Variants in TMPRSS6 observed in about 807,000 individuals in gnomAD.
TMPRSS6 encodes transmembrane serine protease 6, also known as transmembrane protease serine 6.
In TMPRSS6, 67 loss-of-function variants were observed where a neutral mutation model predicts 101.5. The observed-to-expected ratio is 0.66, with a 90% CI of 0.54 to 0.81. The LOEUF (loss-of-function observed/expected upper bound fraction) is 0.81, where lower values mean the gene tolerates loss of function less well. Among genes scored for constraint, TMPRSS6 ranks in the 30% least tolerant of loss-of-function variants. TMPRSS6 has a pLI of 0.00. For missense variants in TMPRSS6, 1,034 were observed against 1,088.7 expected (o/e 0.95, Z 0.71); for synonymous variants, 453 against 464.9 (o/e 0.97, Z 0.33).
intron 1 of TMPRSS6, among the ~76,000 whole-genome samples, chr22:37,104,863 A>G (rs887429090): frequency 2.6e-5 from 4 of 151,998 alleles, no homozygotes; most frequent in Non-Finnish European, 5.9e-5. Context: ...CGGGAGGCTG[A>G]GGCAGGAGAA....
intron 7 of TMPRSS6, 30 bp downstream of exon 7, chr22:37,089,548 T>TACCAA: frequency 1.1e-6 from 1 of 875,026 alleles, no homozygotes; most frequent in Non-Finnish European, 1.7e-6. Flanking sequence ...TTTCCAGCCC[T>TACCAA]CCCTCCTGCC....
chr22:37,068,806 A>C, intron 16 of TMPRSS6: 1 of 710,902 alleles, frequency 1.4e-6, no homozygotes, highest in Non-Finnish European at 2.5e-6. Context: ...GCACGTGGGC[A>C]GTGGCGTCCC....
intron 1 of TMPRSS6, among the ~76,000 whole-genome samples, chr22:37,108,209 C>T (rs1023844912): frequency 6.6e-6 from 1 of 152,166 alleles, no homozygotes; most frequent in African/African-American, 2.4e-5. Flanking sequence ...ACCTTGAGCC[C>T]TGTCAGTGCT....
rs369782006 is a variant in TMPRSS6, at chr22:37,092,950, G to A, written c.631+2601C>T. The stretch of plus-strand genomic sequence containing the variant: ...ACAATTCCCTCTCTCCACTGCCTCT[G>A]GGGCCTCTATTCTCACACTGGCACC... On this transcript the variant is annotated intron_variant, in intron 6 of 17. Transcript: ENST00000676104. 6.9e-4 allele frequency among the ~76,000 whole-genome samples: 105 copies of A among 152,304 alleles called. 3 individuals are homozygous for A. In the South Asian group the frequency reaches 0.022, roughly 32 times the overall value.
intron 3 of TMPRSS6, among the ~76,000 whole-genome samples, chr22:37,097,258 G>C (rs1349093145): frequency 6.6e-6 from 1 of 152,236 alleles, no homozygotes; most frequent in Non-Finnish European, 1.5e-5. Flanking sequence ...CCTCAGGCTG[G>C]GTCCCTCAGA....
intron 10 of TMPRSS6, among the ~76,000 whole-genome samples, chr22:37,082,112 C>T (rs1928317377): frequency 6.6e-6 from 1 of 152,150 alleles, no homozygotes. Flanking sequence ...CATCCTTTGG[C>T]CTGCTGTTTG....
intron 1 of TMPRSS6, among the ~76,000 whole-genome samples, chr22:37,107,028 T>C (rs1221850423): frequency 6.6e-6 from 1 of 152,180 alleles, no homozygotes; most frequent in East Asian, 1.9e-4. Flanking sequence ...ACCTCTGGGG[T>C]TCCCCATGGA....
rs377600983 is a variant in TMPRSS6 at position 37,095,924 on chromosome 22, C to A, written c.571G>T (p.Glu191Ter). 4 of 1,614,124 alleles carry A rather than the reference C, an allele frequency of 2.5e-6. No individual in the cohort carries two copies. The highest frequency in any genetic ancestry group is 1.7e-5 in the Admixed American group (1 of 60,028). The change falls in exon 5 of 18, where the codon GAG becomes TAG. Residue 191 changes from glutamate to a stop codon, truncating the protein, a stop_gained. Coordinates refer to ENST00000676104, the MANE Select transcript of TMPRSS6 (RefSeq NM_001374504.1). LOFTEE classifies it high-confidence loss of function. ...PYRAEYEVDP[E>*]GLVILEASVK... ...TACTGACCCAGGATCACTAGGCCCT[C>A]GGGGTCCACTTCGTACTCGGCCCTG...
intron 10 of TMPRSS6, among the ~76,000 whole-genome samples, chr22:37,080,989 C>T (rs948983171): frequency 7.2e-5 from 11 of 152,280 alleles, no homozygotes; most frequent in Non-Finnish European, 1.3e-4. Context: ...TGTGCACCCA[C>T]GTGCACTCCA....
intron 16 of TMPRSS6, 133 bp from the exon 17 acceptor site, chr22:37,067,095 G>T: frequency 1.5e-6 from 2 of 1,341,452 alleles, no homozygotes; most frequent in East Asian, 2.5e-5. Context: ...CCCCTGCTAG[G>T]GTCGCACCTG....
chr22:37,110,192 A>G (rs1258704389), upstream of TMPRSS6, among the ~76,000 whole-genome samples: 3 of 138,536 alleles, frequency 2.2e-5, no homozygotes, highest in Non-Finnish European at 4.5e-5. Flanking sequence ...CACCCAGGCT[A>G]GAGTGCAGTG....
intron 6 of TMPRSS6, among the ~76,000 whole-genome samples, chr22:37,091,480 G>C (rs1929258348): frequency 6.6e-6 from 1 of 152,024 alleles, no homozygotes; most frequent in Non-Finnish European, 1.5e-5. Context: ...GAAGGAGGGA[G>C]GGGCACTACC....
intron 7 of TMPRSS6, among the ~76,000 whole-genome samples, 166 bp from the exon 8 acceptor site, chr22:37,086,585 G>A (rs909832575): frequency 1.3e-5 from 2 of 151,992 alleles, no homozygotes; most frequent in Non-Finnish European, 2.9e-5. Flanking sequence ...AGAATTCTGT[G>A]TCTCCCCAGC....
At position 37,103,728 on chromosome 22, in the gene TMPRSS6, C is replaced by T. The variant is rs1930533356; in HGVS notation, c.-1-310G>A. The stretch of plus-strand genomic sequence containing the variant: ...GAGGTCTCAGTACCTAAACACCCAC[C>T]TCCCTAGAGGCTGCACCCACAGACA... On this transcript the variant is annotated intron_variant, in intron 1 of 17. Coordinates refer to ENST00000676104, the MANE Select transcript of TMPRSS6 (RefSeq NM_001374504.1). This position sits in a 1 kb window ranked among gnomAD's most constrained non-coding sequence, Gnocchi z 4.4. 10 of 759,586 alleles carry T rather than the reference C, an allele frequency of 1.3e-5. No individual in the cohort carries two copies. The highest frequency in any genetic ancestry group is 2.2e-5 in the Non-Finnish European group (10 of 445,594). 47.1% of individuals were successfully genotyped at this position (759,586 alleles called of 1,614,324 possible).
Position 37,089,754 on chromosome 22 carries a change from C to A in TMPRSS6, c.660G>T (p.Gln220His). The A allele has an allele frequency of 6.2e-7, 1 of 1,612,606 alleles. No homozygotes were observed. The change falls in exon 7 of 18, where the codon CAG becomes CAT. Residue 220 changes from glutamine (Q) to histidine (H), a missense_variant. Coordinates refer to ENST00000676104, the MANE Select transcript of TMPRSS6 (RefSeq NM_001374504.1). ...GCCCCTTCAGCCGGAGGACCTGGCCCTGGCCCACGTAGCTGTAGCGGTAAC... is the reference window on the plus strand; with the variant it reads ...GCCCCTTCAGCCGGAGGACCTGGCCATGGCCCACGTAGCTGTAGCGGTAAC... ...LGCYRYSYVG[Q>H]GQVLRLKGPD... is the part of the protein sequence containing the mutation.
chr22:37,098,796 C>G (rs1418304614), intron 2 of TMPRSS6, among the ~76,000 whole-genome samples: 1 of 152,174 alleles, frequency 6.6e-6, no homozygotes, highest in Non-Finnish European at 1.5e-5. Context: ...TGGATGGTGT[C>G]CTACAGGTTC....
At chr22:37,082,900 A>AT (rs1928378928) in intron 10 of TMPRSS6, 71 of 453,158 alleles carry the variant, frequency 1.6e-4, no homozygotes, top group Non-Finnish European at 2.3e-5. Flanking sequence ...TGCAAAAAGG[A>AT]GTCAAGCAAA....
Position 37,101,553 on chromosome 22 carries a change from G to A in TMPRSS6, c.202+1663C>T, listed in dbSNP as rs228907. ...TCTCTGATCCACTTCCTTGCCCAGCGCCCAGTCCCAGGAGCACAGCCTGGT... is the reference window on the plus strand; with the variant it reads ...TCTCTGATCCACTTCCTTGCCCAGCACCCAGTCCCAGGAGCACAGCCTGGT... On this transcript the variant is annotated intron_variant, in intron 2 of 17. Coordinates refer to ENST00000676104, the MANE Select transcript of TMPRSS6 (RefSeq NM_001374504.1). This position sits in a 1 kb window ranked among gnomAD's most constrained non-coding sequence, Gnocchi z 4.1. Among the ~76,000 whole-genome samples, 49,442 of 151,792 alleles carry A rather than the reference G, an allele frequency of 0.33. 8,352 individuals carry two copies. The highest frequency in any genetic ancestry group is 0.43 in the East Asian group (2,209 of 5,134).
chr22:37,089,450 G>A lies in TMPRSS6; in HGVS notation c.836+128C>T. On this transcript the variant is annotated intron_variant, in intron 7 of 17. Coordinates refer to ENST00000676104, the MANE Select transcript of TMPRSS6 (RefSeq NM_001374504.1). ...CTATCCCCTCTAAGCTAGCCGTCCT[G>A]TCTCCCAGATACCCAGGCCCAAGGT... 3.3e-6 allele frequency: 3 copies of A among 907,492 alleles called. 1 individual carries two copies. Among genetic ancestry groups the A allele is most frequent in the South Asian group, 1.5e-5 (1 of 64,804 alleles). The allele number at this position is 907,492 out of a possible 1,614,324, so 56.2% of individuals were successfully genotyped here. A position where few individuals can be genotyped will look rare whatever the true frequency, so the allele number is the denominator to read the frequency against.
Sources: gnomAD v4.1 joint callset for allele counts (sites outside exome capture counted in the v4.1 genomes callset) on GRCh38, gnomAD v4.1.1 for gene constraint, Gnocchi (gnomAD v3.1) non-coding constraint, MANE v1.5 for transcripts, NCBI Gene and HGNC (gene_info 2026-07-23, HGNC 2026-07-21) for gene names.